GNB1: variants seen among roughly 807,000 people sequenced by gnomAD.
GNB1 encodes the protein guanine nucleotide-binding protein G(I)/G(S)/G(T) subunit beta-1.
Under a neutral mutation model 42.9 loss-of-function variants are expected in GNB1, and 2 were observed. The observed-to-expected ratio is 0.05, with a 90% CI of 0.02 to 0.15. GNB1 has a LOEUF of 0.15. Among genes scored for constraint, GNB1 ranks in the 10% least tolerant of loss-of-function variants. The pLI, the probability that GNB1 is intolerant of heterozygous loss-of-function variation, is 1.00. For synonymous variants in GNB1, 183 were observed against 174.7 expected, an observed-to-expected ratio of 1.05 and a Z score of -0.38; for missense variants, 193 against 462.2, an observed-to-expected ratio of 0.42 and a Z score of 5.34.
chr1:1,835,174 T>C (rs1266608128), intron 2 of GNB1, among the ~76,000 whole-genome samples: 6 of 152,346 alleles, frequency 3.9e-5, no homozygotes, highest in South Asian at 4.1e-4. Flanking sequence ...CGTGTTTTTA[T>C]TGGCATTTGC....
At chr1:1,818,533 G>A (rs1646887923) in intron 3 of GNB1, 1 of 152,008 alleles carries the variant, frequency 6.6e-6, no homozygotes, top group African/African-American at 2.4e-5. Flanking sequence ...GCAACAAAGT[G>A]AGACCTTGTC....
At chr1:1,813,551 G>A (rs1646811528) in intron 5 of GNB1, among the ~76,000 whole-genome samples, 2 of 152,270 alleles carry the variant, frequency 1.3e-5, no homozygotes, top group Middle Eastern at 6.8e-3. Flanking sequence ...GGGGTGATCT[G>A]GAATCACTGC....
intron 7 of GNB1, among the ~76,000 whole-genome samples, chr1:1,797,283 ACT>A (rs1646559495): frequency 6.6e-6 from 1 of 152,122 alleles, no homozygotes; most frequent in Non-Finnish European, 1.5e-5. Context: ...ACACCATGAA[ACT>A]CTCTACAGCT....
intron 1 of GNB1, among the ~76,000 whole-genome samples, chr1:1,879,597 C>T (rs929451832): frequency 1.3e-5 from 2 of 151,376 alleles, no homozygotes; most frequent in Admixed American, 6.6e-5. Flanking sequence ...CCCAGCTATT[C>T]GGGAGGCTGA....
chr1:1,801,013 A>T lies in GNB1; in HGVS notation c.430+3406T>A, dbSNP rs142104430. 2.2e-3 allele frequency among the ~76,000 whole-genome samples: 331 copies of T among 152,312 alleles called. 1 individual carries two copies. Among genetic ancestry groups the T allele is most frequent in the African/African-American group, 7.6e-3 (318 of 41,582 alleles). ...CACTGGACATGGAAGATCTCTCTGG[A>T]GGGCAGAGTAGATTTACTTCATTCT... On this transcript the variant is annotated intron_variant, in intron 7 of 11. Transcript: ENST00000378609.
intron 10 of GNB1, chr1:1,788,774 G>A (rs910692233): frequency 1.9e-5 from 7 of 372,144 alleles, no homozygotes; most frequent in African/African-American, 4.0e-5. Flanking sequence ...GGGAAAGCAC[G>A]GGGCTGGGCC....
chr1:1,842,335 C>T (rs1647275964), intron 1 of GNB1, among the ~76,000 whole-genome samples: 1 of 151,670 alleles, frequency 6.6e-6, no homozygotes, highest in African/African-American at 2.4e-5. Flanking sequence ...GAGGCTGAGG[C>T]AGGAGAATGC....
chr1:1,885,597 C>A (rs1650106093), intron 1 of GNB1, among the ~76,000 whole-genome samples: 1 of 143,248 alleles, frequency 7.0e-6, no homozygotes. Context: ...CGCTCAGTCA[C>A]CCAGGCTGGA....
chr1:1,824,824 T>C (rs892090533), intron 3 of GNB1, among the ~76,000 whole-genome samples: 1 of 152,150 alleles, frequency 6.6e-6, no homozygotes, highest in Non-Finnish European at 1.5e-5. Flanking sequence ...TCCACCCGCC[T>C]TGGCCTCCCA....
chr1:1,820,045 T>C (rs2100922950), intron 3 of GNB1, among the ~76,000 whole-genome samples: 1 of 152,286 alleles, frequency 6.6e-6, no homozygotes, highest in South Asian at 2.1e-4. Flanking sequence ...CTTGTGGGAA[T>C]ATTATAAACT....
intron 1 of GNB1, among the ~76,000 whole-genome samples, chr1:1,867,224 G>A (rs1648992424): frequency 6.6e-6 from 1 of 152,164 alleles, no homozygotes; most frequent in Non-Finnish European, 1.5e-5. Flanking sequence ...CCGAGATCAG[G>A]CCACTTCACC....
chr1:1,856,272 A>G (rs1306172303), intron 1 of GNB1, among the ~76,000 whole-genome samples: 1 of 152,034 alleles, frequency 6.6e-6, no homozygotes, highest in Admixed American at 6.6e-5. Flanking sequence ...TCCTCCTGCC[A>G]CAACCTCCTG....
intron 1 of GNB1, among the ~76,000 whole-genome samples, chr1:1,849,263 A>C (rs955518139): frequency 2.0e-5 from 3 of 152,216 alleles, no homozygotes; most frequent in African/African-American, 4.8e-5. Flanking sequence ...TGCTGTATAT[A>C]TCTCTTCATT....
At chr1:1,854,162 T>G (rs907580908) in intron 1 of GNB1, among the ~76,000 whole-genome samples, 3 of 152,172 alleles carry the variant, frequency 2.0e-5, no homozygotes, top group Non-Finnish European at 4.4e-5. Context: ...TGCTATCCAT[T>G]GCTAAGGAAA....
intron 1 of GNB1, among the ~76,000 whole-genome samples, chr1:1,854,457 TTA>T (rs1648155828): frequency 6.6e-6 from 1 of 152,106 alleles, no homozygotes; most frequent in Non-Finnish European, 1.5e-5. Context: ...TTCTCTTAAA[TTA>T]AACTCTGACA....
chr1:1,811,083 T>TA (rs1298179888), intron 5 of GNB1, among the ~76,000 whole-genome samples: 5,902 of 24,058 alleles, frequency 0.25, 182 homozygotes, highest in Admixed American at 0.3. Flanking sequence ...ATATATATAT[T>TA]TTTTTTTTTT....
chr1:1,857,132 A>C (rs958616568), intron 1 of GNB1, among the ~76,000 whole-genome samples: 8 of 152,206 alleles, frequency 5.3e-5, no homozygotes, highest in Non-Finnish European at 1.0e-4. Flanking sequence ...TAGAAATGGA[A>C]AATTAAAACT....
intron 2 of GNB1, among the ~76,000 whole-genome samples, chr1:1,829,027 T>G (rs1325457858): frequency 6.6e-6 from 1 of 152,126 alleles, no homozygotes; most frequent in Non-Finnish European, 1.5e-5. Flanking sequence ...AAAATTACAT[T>G]CTCTAGTCTC....
Position 1,872,601 on chromosome 1 carries a change from C to T in GNB1, c.-96+18219G>A, listed in dbSNP as rs369385117. Among the ~76,000 whole-genome samples the T allele has an allele frequency of 6.6e-5, 10 of 152,300 alleles. No homozygotes were observed. The East Asian group carries it at 1.9e-3, about 29-fold the overall frequency. ...TCGCCTGCTGTCCCTTCCGCAGGGC[C>T]TCTGCAATCACTGCCCTCTCCACCT... On this transcript the variant is annotated intron_variant, in intron 1 of 11. Coordinates refer to ENST00000378609, the MANE Select transcript of GNB1 (RefSeq NM_002074.5).
Sources: allele counts gnomAD v4.1 joint callset (sites outside exome capture counted in the v4.1 genomes callset), GRCh38; gene constraint gnomAD v4.1.1; transcripts MANE v1.5; gene names NCBI Gene and HGNC (gene_info 2026-07-23, HGNC 2026-07-21).